The following CACNA1D variants were observed in gnomAD, a reference collection of about 807,000 sequenced individuals.
The protein encoded by CACNA1D is voltage-dependent L-type calcium channel subunit alpha-1D.
CACNA1D carries 55 observed loss-of-function variants against 257.1 expected under a neutral mutation model. That is an observed-to-expected ratio of 0.21 (90% CI 0.17 to 0.27). The LOEUF is 0.27. Among genes scored for constraint, CACNA1D ranks in the 10% least tolerant of loss-of-function variants. The pLI is 1.00. For missense variants in CACNA1D, 1,876 were observed against 2,784.0 expected (o/e 0.67, Z 7.34); for synonymous variants, 980 against 1,014.9 (o/e 0.97, Z 0.65).
chr3:53,747,455 A>C lies in CACNA1D; in HGVS notation c.3314+7A>C. On this transcript the variant is annotated splice_region_variant and intron_variant, in intron 26 of 47. Coordinates refer to ENST00000350061, the MANE Select transcript of CACNA1D (RefSeq NM_001128840.3). ...CGTTTGAGGGCTGGCCTGCGTAAGT[A>C]CAGGGAGCACACAGTCTTCTGGAGA... is the stretch of plus-strand genomic sequence containing the variant. The C allele has an allele frequency of 1.2e-6, 2 of 1,614,086 alleles. No individual in the cohort carries two copies. Among genetic ancestry groups the C allele is most frequent in the Non-Finnish European group, 1.7e-6 (2 of 1,179,966 alleles).
intron 20 of CACNA1D, 111 bp downstream of exon 20, chr3:53,735,614 C>A: frequency 2.4e-6 from 3 of 1,224,962 alleles, no homozygotes; most frequent in Non-Finnish European, 2.3e-6. Context: ...TAGAGTAGGT[C>A]TTTCCTTCAG....
intron 38 of CACNA1D, 112 bp downstream of exon 38, chr3:53,780,240 G>A (rs2095418884): frequency 1.2e-6 from 1 of 854,468 alleles, no homozygotes; most frequent in Non-Finnish European, 2.0e-6. Flanking sequence ...CCCTGGGGAA[G>A]GGGCTGGCAA....
intron 3 of CACNA1D, among the ~76,000 whole-genome samples, chr3:53,606,580 G>A (rs537059178): frequency 1.4e-4 from 22 of 152,368 alleles, no homozygotes; most frequent in African/African-American, 4.3e-4. Flanking sequence ...GCCAAGGGCT[G>A]TGGGCTTTCT....
chr3:53,696,346 G>A (rs1044105719), intron 8 of CACNA1D, among the ~76,000 whole-genome samples: 2 of 152,146 alleles, frequency 1.3e-5, no homozygotes, highest in Admixed American at 6.5e-5. Context: ...TCCAGGCATC[G>A]TGTTGAGGTG....
intron 3 of CACNA1D, among the ~76,000 whole-genome samples, chr3:53,594,767 T>A (rs2093350238): frequency 6.6e-6 from 1 of 152,240 alleles, no homozygotes; most frequent in Admixed American, 6.5e-5. Flanking sequence ...CTTTCTCACG[T>A]TAGTACAATT....
At chr3:53,746,919 G>T (rs191749164) in intron 25 of CACNA1D, among the ~76,000 whole-genome samples, 3 of 152,172 alleles carry the variant, frequency 2.0e-5, no homozygotes, top group African/African-American at 4.8e-5. Context: ...AAGAGTATAC[G>T]TGGGTTCGTT....
chr3:53,665,964 A>G (rs1006634615), intron 6 of CACNA1D, 152 bp downstream of exon 6: 14 of 657,646 alleles, frequency 2.1e-5, no homozygotes, highest in African/African-American at 1.5e-4. Flanking sequence ...AGTGTGAGCT[A>G]TGTTCAGAAT....
chr3:53,721,710 A>G (rs772943018), intron 11 of CACNA1D, among the ~76,000 whole-genome samples: 1 of 152,064 alleles, frequency 6.6e-6, no homozygotes, highest in Non-Finnish European at 1.5e-5. Context: ...GCACCTGATG[A>G]CTCAGTATGA....
chr3:53,694,243 T>G (rs2094553858), intron 8 of CACNA1D, among the ~76,000 whole-genome samples: 1 of 152,158 alleles, frequency 6.6e-6, no homozygotes, highest in Non-Finnish European at 1.5e-5. Context: ...CTGGGGCTCC[T>G]TAGATGGAGG....
chr3:53,501,831 G>A (rs532058079), intron 3 of CACNA1D, 111 bp downstream of exon 3: 40 of 710,964 alleles, frequency 5.6e-5, no homozygotes, highest in Admixed American at 5.5e-4. Flanking sequence ...TATGCATGTC[G>A]TGTTTCTTGG....
rs2095227175 is a variant in CACNA1D, at chr3:53,751,636, C to T, written c.3517-113C>T. Reference sequence around the variant, plus strand: ...ACTCGTAATCATTTTCACCATCGTCCACGGCCCCTTCCCGGGAGCTGTAGG... The same window carrying T: ...ACTCGTAATCATTTTCACCATCGTCTACGGCCCCTTCCCGGGAGCTGTAGG... On this transcript the variant is annotated intron_variant, in intron 27 of 47. Coordinates refer to ENST00000350061, the MANE Select transcript of CACNA1D (RefSeq NM_001128840.3). This position sits in a 1 kb window ranked among gnomAD's most constrained non-coding sequence, Gnocchi z 4.3. 1 of 1,059,628 alleles carries T rather than the reference C, an allele frequency of 9.4e-7. No individual in the cohort carries two copies. Among genetic ancestry groups the T allele is most frequent in the East Asian group, 2.4e-5 (1 of 42,078 alleles). 65.6% of individuals were successfully genotyped at this position (1,059,628 alleles called of 1,614,324 possible). A position where few individuals can be genotyped will look rare whatever the true frequency, so the allele number is the denominator to read the frequency against.
intron 3 of CACNA1D, among the ~76,000 whole-genome samples, chr3:53,595,608 C>A (rs749202310): frequency 6.6e-6 from 1 of 152,162 alleles, no homozygotes; most frequent in Non-Finnish European, 1.5e-5. Context: ...CGACTCTAGA[C>A]CCACTGTTGT....
At position 53,495,229 on chromosome 3, in the gene CACNA1D, G is replaced by A. The variant is rs200913034; in HGVS notation, c.63G>A (p.Ala21=). 1.9e-6 allele frequency: 3 copies of A among 1,613,618 alleles called. No individual in the cohort carries two copies. Among genetic ancestry groups the A allele is most frequent in the African/African-American group, 2.7e-5 (2 of 74,910 alleles). ...AACGGCAGCAGCAAGCGGACCACGC[G>A]AACGGTGAGCAGCCAGAGCCCGGGC... ...QHQRQQQADH[A]NEANYARGTR... The change falls in exon 1 of 48, where the codon GCG becomes GCA. Residue 21 remains alanine, a synonymous_variant. Transcript: ENST00000350061. This position sits in a 1 kb window ranked among gnomAD's most constrained non-coding sequence, Gnocchi z 5.1.
chr3:53,624,970 T>G (rs1171919158), intron 3 of CACNA1D, among the ~76,000 whole-genome samples: 1 of 152,072 alleles, frequency 6.6e-6, no homozygotes, highest in Non-Finnish European at 1.5e-5. Context: ...GATAAAGGGT[T>G]GGAGAGGGGA....
Position 53,797,442 on chromosome 3 carries a change from C to G in CACNA1D, c.4924-2807C>G, listed in dbSNP as rs930324002. On this transcript the variant is annotated intron_variant, in intron 40 of 47. Coordinates refer to ENST00000350061, the MANE Select transcript of CACNA1D (RefSeq NM_001128840.3). ...AACAAGCAGAATATAATCATGATTT[C>G]TGACTCTCTGCTTCTGTGTCTGGGA... Among the ~76,000 whole-genome samples the G allele has an allele frequency of 6.6e-5, 10 of 152,210 alleles. No homozygotes were observed. In the South Asian group the frequency reaches 1.0e-3, roughly 16 times the overall value.
At chr3:53,572,440 C>T (rs2092964283) in intron 3 of CACNA1D, among the ~76,000 whole-genome samples, 1 of 151,882 alleles carries the variant, frequency 6.6e-6, no homozygotes, top group Non-Finnish European at 1.5e-5. Flanking sequence ...CATTCTGTCA[C>T]CCAGGCTGGA....
chr3:53,579,735 G>C (rs1468808975), intron 3 of CACNA1D, among the ~76,000 whole-genome samples: 1 of 152,218 alleles, frequency 6.6e-6, no homozygotes, highest in Non-Finnish European at 1.5e-5. Context: ...TTTGAGTGGT[G>C]CAGTGGGCAG....
intron 8 of CACNA1D, among the ~76,000 whole-genome samples, chr3:53,695,219 AG>A (rs2094562718): frequency 1.3e-5 from 2 of 152,154 alleles, no homozygotes; most frequent in Admixed American, 6.5e-5. Context: ...AGCAGCTGAA[AG>A]GTCTTTAGAA....
intron 7 of CACNA1D, among the ~76,000 whole-genome samples, chr3:53,670,818 C>A (rs1317259562): frequency 6.6e-6 from 1 of 152,198 alleles, no homozygotes; most frequent in African/African-American, 2.4e-5. Context: ...CAGGCAAAAT[C>A]CCAAGCAGTC....
Sources: gnomAD v4.1 joint callset for allele counts (sites outside exome capture counted in the v4.1 genomes callset) on GRCh38, gnomAD v4.1.1 for gene constraint, Gnocchi (gnomAD v3.1) non-coding constraint, MANE v1.5 for transcripts, NCBI Gene and HGNC (gene_info 2026-07-23, HGNC 2026-07-21) for gene names.